Variants in CTCF observed in about 807,000 individuals in gnomAD.
CTCF encodes transcriptional repressor CTCF.
CTCF carries 7 observed loss-of-function variants against 72.3 expected under a neutral mutation model. That is an observed-to-expected ratio of 0.10 (90% CI 0.06 to 0.18). CTCF has a LOEUF of 0.18. Among genes scored for constraint, CTCF ranks in the 10% least tolerant of loss-of-function variants. The probability of loss-of-function intolerance (pLI) is 1.00; values close to 1 mark genes in which losing one functional copy is unlikely to be tolerated. For missense variants in CTCF, 516 were observed against 949.1 expected (o/e 0.54, Z 6.00); for synonymous variants, 374 against 315.8 (o/e 1.18, Z -1.95).
At chr16:67,582,849 C>T (rs1239366846) in intron 2 of CTCF, among the ~76,000 whole-genome samples, 1 of 151,834 alleles carries the variant, frequency 6.6e-6, no homozygotes, top group Non-Finnish European at 1.5e-5. Flanking sequence ...TAATGACTTA[C>T]AGATAGGGTG....
intron 2 of CTCF, among the ~76,000 whole-genome samples, chr16:67,590,207 T>C (rs2051722170): frequency 6.6e-6 from 1 of 152,104 alleles, no homozygotes; most frequent in South Asian, 2.1e-4. Context: ...TATTATTCTT[T>C]GTAGCAAAAG....
chr16:67,605,242 G>A (rs929850893), intron 2 of CTCF, among the ~76,000 whole-genome samples: 1 of 152,012 alleles, frequency 6.6e-6, no homozygotes, highest in African/African-American at 2.4e-5. Context: ...CAAAGTGCTG[G>A]GATTACAGGC....
chr16:67,625,860 C>G (rs1466551382), intron 7 of CTCF, among the ~76,000 whole-genome samples: 2 of 144,258 alleles, frequency 1.4e-5, no homozygotes, highest in Non-Finnish European at 3.0e-5. Context: ...CTTAAGCCCT[C>G]TTCCACTATT....
chr16:67,568,479 C>T (rs2051371070), intron 1 of CTCF: 1 of 152,146 alleles, frequency 6.6e-6, no homozygotes, highest in East Asian at 1.9e-4. Context: ...ACCTCCGTCT[C>T]CCGGGTTCAA....
At chr16:67,600,428 C>T (rs1323103406) in intron 2 of CTCF, among the ~76,000 whole-genome samples, 3 of 151,880 alleles carry the variant, frequency 2.0e-5, no homozygotes, top group African/African-American at 4.8e-5. Flanking sequence ...TGGTGTTTCA[C>T]CATGTTGCCC....
At chr16:67,620,056 A>C (rs886084740) in intron 5 of CTCF, among the ~76,000 whole-genome samples, 6 of 152,170 alleles carry the variant, frequency 3.9e-5, no homozygotes, top group Non-Finnish European at 7.3e-5. Flanking sequence ...TAAAATATGT[A>C]CTCAGTAACA....
intron 2 of CTCF, among the ~76,000 whole-genome samples, chr16:67,573,674 A>G (rs1204683830): frequency 6.6e-6 from 1 of 152,150 alleles, no homozygotes; most frequent in African/African-American, 2.4e-5. Context: ...GTATTTGTGT[A>G]GGGAAAAACT....
intron 2 of CTCF, among the ~76,000 whole-genome samples, chr16:67,584,820 A>T (rs1156547266): frequency 6.6e-6 from 1 of 152,228 alleles, no homozygotes; most frequent in Non-Finnish European, 1.5e-5. Context: ...TCATGGATGT[A>T]GGACAAGTGC....
chr16:67,633,444 C>G (rs1232194293), intron 10 of CTCF, among the ~76,000 whole-genome samples: 1 of 152,030 alleles, frequency 6.6e-6, no homozygotes, highest in African/African-American at 2.4e-5. Context: ...TATTTTACCA[C>G]GAATGGACAA....
chr16:67,628,399 C>G lies in CTCF; in HGVS notation c.1548C>G (p.Thr516=). 1 of 1,614,180 alleles carries G rather than the reference C, an allele frequency of 6.2e-7. No individual in the cohort carries two copies. The highest frequency in any genetic ancestry group is 2.2e-5 in the East Asian group (1 of 44,882). ...GGCACATGATCATGCACAAGCGCAC[C>G]CACACCGGGGAGAAGCCTTACGCCT... ...QERHMIMHKR[T]HTGEKPYACS... The change falls in exon 9 of 12, where the codon ACC becomes ACG. Residue 516 remains threonine, a synonymous_variant. Transcript: ENST00000264010.
At chr16:67,610,695 T>C in intron 2 of CTCF, 129 bp from the exon 3 acceptor site, 1 of 603,618 alleles carries the variant, frequency 1.7e-6, no homozygotes, top group Non-Finnish European at 2.6e-6. Context: ...ATGTCTGTTG[T>C]GTCTTTTTTA....
intron 10 of CTCF, among the ~76,000 whole-genome samples, chr16:67,631,851 T>A (rs554467049): frequency 1.3e-5 from 2 of 151,742 alleles, no homozygotes; most frequent in East Asian, 3.9e-4. Flanking sequence ...GGCAGGCAGA[T>A]CACCTTAGCT....
chr16:67,614,028 C>G (rs551810640), intron 4 of CTCF, among the ~76,000 whole-genome samples: 2 of 152,016 alleles, frequency 1.3e-5, no homozygotes, highest in Non-Finnish European at 2.9e-5. Context: ...GCATTGCATT[C>G]TAGGGGGCGC....
chr16:67,617,166 A>G (rs2052142541), intron 5 of CTCF, among the ~76,000 whole-genome samples: 1 of 151,780 alleles, frequency 6.6e-6, no homozygotes, highest in South Asian at 2.1e-4. Context: ...GTTGGAGACC[A>G]GCTTGACCAA....
chr16:67,628,352 C>G lies in CTCF; in HGVS notation c.1519-18C>G, dbSNP rs999549321. On this transcript the variant is annotated intron_variant, in intron 8 of 11. Coordinates refer to ENST00000264010, the MANE Select transcript of CTCF (RefSeq NM_006565.4). The stretch of plus-strand genomic sequence containing the variant: ...CCCATGAGCAGGCTCTGAGGCCTTT[C>G]CCCCTATGCCGTTTCAGGAGAGGCA... 2 of 1,608,280 alleles carry G rather than the reference C, an allele frequency of 1.2e-6. No homozygotes were observed. Among genetic ancestry groups the G allele is most frequent in the East Asian group, 4.5e-5 (2 of 44,728 alleles).
chr16:67,613,401 AATG>A (rs1211487883), intron 4 of CTCF, among the ~76,000 whole-genome samples: 2 of 152,238 alleles, frequency 1.3e-5, no homozygotes, highest in Non-Finnish European at 2.9e-5. Flanking sequence ...ATTCTTCACT[AATG>A]TGACTTACTT....
Position 67,611,370 on chromosome 16 carries a change from C to A in CTCF, c.538C>A (p.Gln180Lys). 1 of 1,614,080 alleles carries A rather than the reference C, an allele frequency of 6.2e-7. No homozygotes were observed. The highest frequency in any genetic ancestry group is 8.5e-7 in the Non-Finnish European group (1 of 1,179,984). The change falls in exon 3 of 12, where the codon CAA (glutamine) becomes AAA (lysine). Residue 180 changes from glutamine to lysine, a missense_variant. Transcript: ENST00000264010. ...CAATGGAGAGGTGGAGACACTAGAA[C>A]AAGGGGAACTTCCACCCCAGGAAGA... is the stretch of plus-strand genomic sequence containing the variant. ...GANGEVETLEQGELPPQEDPS... is the reference protein window; with the variant it reads ...GANGEVETLEKGELPPQEDPS...
At chr16:67,621,303 G>T in intron 6 of CTCF, 139 bp from the exon 7 acceptor site, 2 of 622,886 alleles carry the variant, frequency 3.2e-6, no homozygotes, top group Non-Finnish European at 5.6e-6. Flanking sequence ...CAAGATCCGG[G>T]AACTGGGACT....
At chr16:67,591,825 C>T (rs1245575800) in intron 2 of CTCF, among the ~76,000 whole-genome samples, 1 of 152,056 alleles carries the variant, frequency 6.6e-6, no homozygotes, top group Non-Finnish European at 1.5e-5. Context: ...ATCCTCCCGC[C>T]TCAGTCCCGA....
Sources: gnomAD v4.1 joint callset for allele counts (sites outside exome capture counted in the v4.1 genomes callset) on GRCh38, gnomAD v4.1.1 for gene constraint, MANE v1.5 for transcripts, NCBI Gene and HGNC (gene_info 2026-07-23, HGNC 2026-07-21) for gene names.